ADAMTS2: variants seen among roughly 807,000 people sequenced by gnomAD.
The protein encoded by ADAMTS2 is A disintegrin and metalloproteinase with thrombospondin motifs 2.
A neutral mutation model predicts 123.0 loss-of-function variants in ADAMTS2; 50 were observed. That is an observed-to-expected ratio of 0.41 (90% confidence interval 0.32 to 0.51). ADAMTS2 has a LOEUF of 0.51. Among genes scored for constraint, ADAMTS2 ranks in the 20% least tolerant of loss-of-function variants. The pLI, the probability that ADAMTS2 is intolerant of heterozygous loss-of-function variation, is 0.35. For missense variants in ADAMTS2, 1,494 were observed against 1,705.2 expected, an observed-to-expected ratio of 0.88 and a Z score of 2.18; for synonymous variants, 678 against 695.4, an observed-to-expected ratio of 0.98 and a Z score of 0.39.
intron 3 of ADAMTS2, among the ~76,000 whole-genome samples, chr5:179,247,499 AAAG>A (rs1765828210): frequency 6.6e-6 from 1 of 152,226 alleles, no homozygotes; most frequent in African/African-American, 2.4e-5. Context: ...AATTTGATAA[AAAG>A]AACATGATTC....
chr5:179,116,212 C>T (rs189125788), intron 21 of ADAMTS2, among the ~76,000 whole-genome samples: 11 of 152,222 alleles, frequency 7.2e-5, no homozygotes, highest in Non-Finnish European at 1.3e-4. Flanking sequence ...ATCCAGCTAT[C>T]CTGCTTCAGT....
At chr5:179,306,164 T>C (rs1756667430) in intron 2 of ADAMTS2, among the ~76,000 whole-genome samples, 1 of 151,046 alleles carries the variant, frequency 6.6e-6, no homozygotes, top group African/African-American at 2.4e-5. Context: ...CCAATATCCC[T>C]CATGAACCTA....
chr5:179,191,634 C>A (rs1286800836), intron 4 of ADAMTS2, among the ~76,000 whole-genome samples: 3 of 27,832 alleles, frequency 1.1e-4, no homozygotes, highest in Non-Finnish European at 2.1e-4. Context: ...AAGCAGCTGC[C>A]GGGGTGGGGG....
rs200933822 is a variant in ADAMTS2, at chr5:179,251,679, C to CCTT, written c.688+21231_688+21232insAAG. Among the ~76,000 whole-genome samples, 860 of 152,250 alleles carry CCTT rather than the reference C, an allele frequency of 5.6e-3. 11 individuals carry two copies. The highest frequency in any genetic ancestry group is 0.02 in the African/African-American group (822 of 41,502). On this transcript the variant is annotated intron_variant, in intron 3 of 21. Coordinates refer to ENST00000251582, the MANE Select transcript of ADAMTS2 (RefSeq NM_014244.5). ...TGTTATCATGTGAGCCAGCAATTCT[C>CCTT]CTAGGCATATACCTAAGAGTAATGA...
intron 5 of ADAMTS2, among the ~76,000 whole-genome samples, chr5:179,161,093 C>T (rs1763583713): frequency 6.6e-6 from 1 of 152,162 alleles, no homozygotes; most frequent in Admixed American, 6.5e-5. Context: ...GTTTCTGTAG[C>T]ATAACCTCAC....
chr5:179,296,252 G>C (rs903007623), intron 2 of ADAMTS2, among the ~76,000 whole-genome samples: 3 of 152,140 alleles, frequency 2.0e-5, no homozygotes, highest in Admixed American at 1.3e-4. Flanking sequence ...CTGTGCTTCT[G>C]AGAATGCTGA....
chr5:179,319,324 C>G (rs1227376727), intron 2 of ADAMTS2, among the ~76,000 whole-genome samples: 1 of 152,214 alleles, frequency 6.6e-6, no homozygotes, highest in African/African-American at 2.4e-5. Context: ...GCATGGCAGA[C>G]ATTACCCACA....
At chr5:179,138,759 G>A (rs1038819375) in intron 11 of ADAMTS2, among the ~76,000 whole-genome samples, 1 of 152,166 alleles carries the variant, frequency 6.6e-6, no homozygotes, top group Non-Finnish European at 1.5e-5. Flanking sequence ...GTCCCACTGC[G>A]GGATCCCTCC....
rs2113198042 is a variant in ADAMTS2 at position 179,129,066 on chromosome 5, T to C, written c.2457+866A>G. On this transcript the variant is annotated intron_variant, in intron 16 of 21. Transcript: ENST00000251582. The surrounding 1 kb of genome is among the most constrained non-coding windows in gnomAD (Gnocchi z 4.1). ...GACTCACACTTCACCACTCTGTGCG[T>C]GTCCGTTTGGGGCTCACGAATCAAT... Among the ~76,000 whole-genome samples, 1 of 152,264 alleles carries C rather than the reference T, an allele frequency of 6.6e-6. No individual in the cohort carries two copies. The highest frequency in any genetic ancestry group is 2.1e-4 in the South Asian group (1 of 4,820).
intron 2 of ADAMTS2, among the ~76,000 whole-genome samples, chr5:179,328,640 T>C (rs1309315111): frequency 6.6e-6 from 1 of 152,216 alleles, no homozygotes; most frequent in Non-Finnish European, 1.5e-5. Flanking sequence ...ATTCTGAGAA[T>C]ATCATTAGTC....
Position 179,185,623 on chromosome 5 carries a change from C to T in ADAMTS2, c.892-4468G>A, listed in dbSNP as rs1300722822. 6.6e-6 allele frequency among the ~76,000 whole-genome samples: 1 copy of T among 152,164 alleles called. No individual in the cohort carries two copies. Among genetic ancestry groups the T allele is most frequent in the Non-Finnish European group, 1.5e-5 (1 of 68,024 alleles). On this transcript the variant is annotated intron_variant, in intron 4 of 21. Coordinates refer to ENST00000251582, the MANE Select transcript of ADAMTS2 (RefSeq NM_014244.5). The surrounding 1 kb of genome is among the most constrained non-coding windows in gnomAD (Gnocchi z 5.9). Reference sequence around the variant, plus strand: ...ATTTGGGACAGGAGGTGACCAACCACTCCAAAAGCCCCGTCGCTGGGCATG... The same window carrying T: ...ATTTGGGACAGGAGGTGACCAACCATTCCAAAAGCCCCGTCGCTGGGCATG...
chr5:179,143,498 T>C (rs1336555274), intron 10 of ADAMTS2, among the ~76,000 whole-genome samples: 1 of 150,816 alleles, frequency 6.6e-6, no homozygotes, highest in Non-Finnish European at 1.5e-5. Context: ...ACTTAAAAGA[T>C]AAACTAATTA....
At chr5:179,302,930 C>T (rs368748907) in intron 2 of ADAMTS2, among the ~76,000 whole-genome samples, 2 of 33,846 alleles carry the variant, frequency 5.9e-5, no homozygotes, top group East Asian at 6.9e-4. Flanking sequence ...AAAGGGTGGG[C>T]GGGGGCGAGG....
intron 3 of ADAMTS2, among the ~76,000 whole-genome samples, chr5:179,245,790 A>ACAAAC (rs1561628630): frequency 2.2e-5 from 3 of 138,592 alleles, no homozygotes; most frequent in African/African-American, 8.0e-5. Context: ...AAAAAAAAAA[A>ACAAAC]AAAAACAAAA....
At chr5:179,141,056 C>G (rs1360872742) in intron 10 of ADAMTS2, among the ~76,000 whole-genome samples, 1 of 151,912 alleles carries the variant, frequency 6.6e-6, no homozygotes, top group East Asian at 1.9e-4. Flanking sequence ...CTCAGGTGAT[C>G]CACCTGCCTC....
chr5:179,261,778 C>T (rs1766230957), intron 3 of ADAMTS2, among the ~76,000 whole-genome samples: 1 of 152,220 alleles, frequency 6.6e-6, no homozygotes, highest in African/African-American at 2.4e-5. Context: ...GGCCACAGTT[C>T]CTGCATCCAT....
At chr5:179,328,975 A>G (rs1251494219) in intron 2 of ADAMTS2, among the ~76,000 whole-genome samples, 3 of 152,204 alleles carry the variant, frequency 2.0e-5, no homozygotes, top group Non-Finnish European at 4.4e-5. Flanking sequence ...TTGCCCTATC[A>G]GATGTCAGAA....
At chr5:179,191,351 A>C (rs1764300537) in intron 4 of ADAMTS2, among the ~76,000 whole-genome samples, 1 of 152,126 alleles carries the variant, frequency 6.6e-6, no homozygotes, top group Non-Finnish European at 1.5e-5. Context: ...CTAAGTGGCC[A>C]GGGCTCGTGC....
At position 179,228,925 on chromosome 5, in the gene ADAMTS2, T is replaced by A. The variant is rs1309294908; in HGVS notation, c.689-21210A>T. Among the ~76,000 whole-genome samples, 1 of 152,182 alleles carries A rather than the reference T, an allele frequency of 6.6e-6. No individual in the cohort carries two copies. Among genetic ancestry groups the A allele is most frequent in the African/African-American group, 2.4e-5 (1 of 41,444 alleles). ...CTGAGAACAGCTCAGTCAGTCTGGC[T>A]GGATCCTGAGCTCCTCCCCCGGCCT... On this transcript the variant is annotated intron_variant, in intron 3 of 21. Coordinates refer to ENST00000251582, the MANE Select transcript of ADAMTS2 (RefSeq NM_014244.5). This position sits in a 1 kb window ranked among gnomAD's most constrained non-coding sequence, Gnocchi z 5.2.
Sources: allele counts gnomAD v4.1 joint callset (sites outside exome capture counted in the v4.1 genomes callset), GRCh38; gene constraint gnomAD v4.1.1; non-coding constraint Gnocchi (gnomAD v3.1); transcripts MANE v1.5; gene names NCBI Gene and HGNC (gene_info 2026-07-23, HGNC 2026-07-21).